The following TMEM165 variants were observed in gnomAD, a reference collection of about 807,000 sequenced individuals.
The protein encoded by TMEM165 is putative divalent cation/proton antiporter TMEM165.
In TMEM165, 19 loss-of-function variants were observed where a neutral mutation model predicts 30.0. The ratio of observed to expected loss-of-function variants is 0.63; its 90% CI spans 0.44 to 0.93. The LOEUF (loss-of-function observed/expected upper bound fraction) is 0.93. TMEM165 is among the 40% of genes least tolerant of loss of function. The pLI, the probability that TMEM165 is intolerant of heterozygous loss-of-function variation, is 0.00. For missense variants in TMEM165, 340 were observed against 417.0 expected (o/e 0.82, Z 1.61); for synonymous variants, 168 against 162.9 (o/e 1.03, Z -0.24).
At chr4:55,453,308 T>A (rs1227824533) in exon 4 of TMEM165, 5 of 593,012 alleles carry the variant, frequency 8.4e-6, no homozygotes, top group African/African-American at 1.9e-5. Context: ...TTTCTAGGTA[T>A]CTTAAAGTTT....
intron 3 of TMEM165, chr4:55,444,780 C>T: frequency 6.2e-7 from 1 of 1,613,940 alleles, no homozygotes; most frequent in South Asian, 1.1e-5. Flanking sequence ...GAGCTGAAAA[C>T]TGAAACTGAA....
chr4:55,438,670 C>G, intron 3 of TMEM165: 1 of 1,320,042 alleles, frequency 7.6e-7, no homozygotes, highest in Non-Finnish European at 1.0e-6. Context: ...TCTGTATATT[C>G]CTACTTTGTT....
intron 1 of TMEM165, among the ~76,000 whole-genome samples, chr4:55,402,119 C>CAAAAAAAAAAAAA (rs71194551): frequency 9.3e-6 from 1 of 106,992 alleles, no homozygotes; most frequent in African/African-American, 4.9e-5. Flanking sequence ...ACTCTGTCTC[C>CAAAAAAAAAAAAA]AAAAAAAAAA....
intron 1 of TMEM165, among the ~76,000 whole-genome samples, chr4:55,401,853 A>C (rs1053994042): frequency 1.3e-5 from 2 of 150,354 alleles, no homozygotes; most frequent in South Asian, 2.1e-4. Flanking sequence ...GCAGTGGCTC[A>C]CGCTTGTAAT....
At position 55,441,654 on chromosome 4, in the gene TMEM165, C is replaced by G. The variant is rs1723376992; in HGVS notation, c.409-10585C>G. ...AATGGAAAACCAAACACCATATATT[C>G]TCACTTGTAAGTGGGAGCTAAGCTA... is the stretch of plus-strand genomic sequence containing the variant. On this transcript the variant is annotated intron_variant, in intron 3 of 3. Coordinates refer to the TMEM165 transcript ENST00000608091. Among the ~76,000 whole-genome samples the G allele has an allele frequency of 2.0e-5, 3 of 152,174 alleles. No individual in the cohort carries two copies. In the South Asian group the frequency reaches 6.2e-4, roughly 31 times the overall value.
intron 2 of TMEM165, 77 bp from the exon 3 acceptor site, chr4:55,416,995 T>G (rs749731620): frequency 2.4e-4 from 307 of 1,302,750 alleles, no homozygotes; most frequent in Non-Finnish European, 3.0e-4. Context: ...AGTGATAAAT[T>G]ATTATTTCCG....
rs1166993811 is a variant in TMEM165, at chr4:55,449,589, CT to C, written c.409-2646del. 3 of 1,106,814 alleles carry C rather than the reference CT, an allele frequency of 2.7e-6. No homozygotes were observed. In the East Asian group the frequency reaches 7.7e-5, roughly 28 times the overall value. 68.6% of individuals were successfully genotyped at this position (1,106,814 alleles called of 1,614,324 possible). A position where few individuals can be genotyped will look rare whatever the true frequency, so the allele number is the denominator to read the frequency against. ...AATGTATTTCAGTTAATAAAAATGG[CT>C]TTTGAATTATTTTTCCAAACCATTC... is the stretch of plus-strand genomic sequence containing the variant. On this transcript the variant is annotated intron_variant, in intron 3 of 3. Coordinates refer to the TMEM165 transcript ENST00000608091.
chr4:55,441,112 C>A, intron 3 of TMEM165, among the ~76,000 whole-genome samples: 1 of 152,278 alleles, frequency 6.6e-6, no homozygotes, highest in Admixed American at 6.5e-5. Flanking sequence ...GGGGAAGGAA[C>A]GATGCCATAC....
rs75117590 is a variant in TMEM165, at chr4:55,441,120, T to C, written c.409-11119T>C. Among the ~76,000 whole-genome samples the C allele has an allele frequency of 6.5e-3, 995 of 152,330 alleles. 9 individuals are homozygous for C. Among genetic ancestry groups the C allele is most frequent in the African/African-American group, 0.023 (945 of 41,572 alleles). On this transcript the variant is annotated intron_variant, in intron 3 of 3. Transcript: ENST00000608091. ...TTCCCTTGGGGAAGGAACGATGCCA[T>C]ACTCATCTAGGTAGGCCTTCAAATG... is the stretch of plus-strand genomic sequence containing the variant.
At chr4:55,434,327 T>C (rs1036402951) in intron 3 of TMEM165, 1 of 152,574 alleles carries the variant, frequency 6.6e-6, no homozygotes, top group Admixed American at 6.5e-5. Context: ...ATTCCCATGA[T>C]TGAGAATGTT....
intron 1 of TMEM165, 104 bp from the exon 2 acceptor site, chr4:55,411,510 T>C (rs1013812351): frequency 6.5e-5 from 66 of 1,009,096 alleles, no homozygotes; most frequent in Non-Finnish European, 9.0e-5. Context: ...ATAAGTGTAA[T>C]GACCATGACA....
intron 1 of TMEM165, among the ~76,000 whole-genome samples, chr4:55,409,823 C>A (rs1721411965): frequency 6.6e-6 from 1 of 152,194 alleles, no homozygotes; most frequent in Non-Finnish European, 1.5e-5. Flanking sequence ...TTGGGTGCGT[C>A]TTTGGAGACA....
At chr4:55,413,643 C>T (rs1313177573) in intron 2 of TMEM165, among the ~76,000 whole-genome samples, 1 of 152,188 alleles carries the variant, frequency 6.6e-6, no homozygotes, top group Non-Finnish European at 1.5e-5. Context: ...AATTTTTAAA[C>T]ATTTTATAGA....
At chr4:55,433,655 TA>T (rs1722667737) in intron 3 of TMEM165, 1 of 152,216 alleles carries the variant, frequency 6.6e-6, no homozygotes, top group South Asian at 2.1e-4. Context: ...TAACATTTTT[TA>T]TATTCTAATA....
Position 55,425,318 on chromosome 4 carries a change from G to GT in TMEM165, c.899-57dup, listed in dbSNP as rs1282657713. On this transcript the variant is annotated intron_variant, in intron 5 of 5. Transcript: ENST00000381334. ...GCCTCATCGGCTCCCTTTTCATTTTGTACAGTATCAAGGTATAGGAATTTT... is the reference window on the plus strand; with the variant it reads ...GCCTCATCGGCTCCCTTTTCATTTTGTTACAGTATCAAGGTATAGGAATTTT... 2.2e-5 allele frequency: 31 copies of GT among 1,397,904 alleles called. No homozygotes were observed. The East Asian group carries it at 6.9e-4, about 31-fold the overall frequency. The allele number at this position is 1,397,904 out of a possible 1,614,324, so 86.6% of individuals were successfully genotyped here. A position where few individuals can be genotyped will look rare whatever the true frequency, so the allele number is the denominator to read the frequency against.
intron 3 of TMEM165, among the ~76,000 whole-genome samples, chr4:55,437,889 G>C (rs1377934793): frequency 6.6e-6 from 1 of 152,104 alleles, no homozygotes; most frequent in Non-Finnish European, 1.5e-5. Flanking sequence ...AATAATTTAA[G>C]GTAACACCTA....
In TMEM165 at chr4:55,425,398, T is replaced by G. The variant is rs149833286; in HGVS notation, c.921T>G (p.Val307=). ...CAGTGACAATCATAGGAGGCATCGTTTTTTTGGCGTTTGCATTTTCTGCAC... is the reference window on the plus strand; with the variant it reads ...CAGTGACAATCATAGGAGGCATCGTGTTTTTGGCGTTTGCATTTTCTGCAC... ...VRTVTIIGGI[V]FLAFAFSALF... The change falls in exon 6 of 6, where the codon GTT becomes GTG. Residue 307 remains valine (V), a synonymous_variant. Transcript: ENST00000381334. 1.7e-4 allele frequency: 277 copies of G among 1,613,962 alleles called. 1 individual carries two copies. The African/African-American group carries it at 3.0e-3, about 17-fold the overall frequency.
At chr4:55,404,961 G>T (rs146075201) in intron 1 of TMEM165, among the ~76,000 whole-genome samples, 1 of 152,066 alleles carries the variant, frequency 6.6e-6, no homozygotes, top group Non-Finnish European at 1.5e-5. Flanking sequence ...AAAATATCTC[G>T]CATCTAGTTA....
chr4:55,404,912 C>T (rs1721209487), intron 1 of TMEM165, among the ~76,000 whole-genome samples: 1 of 152,190 alleles, frequency 6.6e-6, no homozygotes, highest in Non-Finnish European at 1.5e-5. Flanking sequence ...TAAAACAGCT[C>T]CTAAGTTTTT....
Sources: gnomAD v4.1 joint callset for allele counts (sites outside exome capture counted in the v4.1 genomes callset) on GRCh38, gnomAD v4.1.1 for gene constraint, MANE v1.5 for transcripts, NCBI Gene and HGNC (gene_info 2026-07-23, HGNC 2026-07-21) for gene names.